The following PSG2 variants were observed in gnomAD, a reference collection of about 807,000 sequenced individuals.
PSG2 encodes pregnancy specific beta-1-glycoprotein 2.
A neutral mutation model predicts 36.2 loss-of-function variants in PSG2; 49 were observed. That is an observed-to-expected ratio of 1.35 (90% CI 1.08 to 1.72). The LOEUF is 1.72. Among genes scored for constraint, PSG2 ranks in the 40% most tolerant of loss-of-function variants. The pLI is 0.00. For synonymous variants in PSG2, 261 were observed against 155.6 expected, an observed-to-expected ratio of 1.68 and a Z score of -5.04; for missense variants, 605 against 407.2, an observed-to-expected ratio of 1.49 and a Z score of -4.18.
chr19:43,067,320 A>G (rs183333147), intron 4 of PSG2, among the ~76,000 whole-genome samples: 8 of 150,694 alleles, frequency 5.3e-5, no homozygotes, highest in Admixed American at 1.3e-4. Context: ...GTCTAATCCC[A>G]TCTTGGATGC....
chr19:43,076,391 AG>A (rs1428232526), intron 2 of PSG2, among the ~76,000 whole-genome samples: 1 of 151,778 alleles, frequency 6.6e-6, no homozygotes, highest in Non-Finnish European at 1.5e-5. Flanking sequence ...CCCCCTGTAG[AG>A]GGCAGGTGAG....
chr19:43,080,923 C>T lies in PSG2; in HGVS notation c.388G>A (p.Gly130Arg), dbSNP rs748585153. The T allele has an allele frequency of 1.9e-6, 3 of 1,612,854 alleles. No homozygotes were observed. Among genetic ancestry groups the T allele is most frequent in the Non-Finnish European group, 2.5e-6 (3 of 1,179,520 alleles). Reference protein sequence around the residue: ...YTLHIIKRGDGTRGVTGYFTF... With the variant: ...YTLHIIKRGDRTRGVTGYFTF... ...AAATATCCAGTTACTCCTCTAGTCCCATCACCTCGCTTTATGATGTGTAAG... is the reference window on the plus strand; with the variant it reads ...AAATATCCAGTTACTCCTCTAGTCCTATCACCTCGCTTTATGATGTGTAAG... The change falls in exon 2 of 6, where the codon GGG becomes AGG. Residue 130 changes from glycine to arginine, a missense_variant. Physicochemically the swap from Gly to Arg is moderately radical, Grantham distance 125 (BLOSUM62 -2). Coordinates refer to ENST00000406487, the MANE Select transcript of PSG2 (RefSeq NM_031246.4).
intron 1 of PSG2, 82 bp downstream of exon 1, chr19:43,082,424 T>G: frequency 6.4e-7 from 1 of 1,572,222 alleles, no homozygotes; most frequent in South Asian, 1.1e-5. Context: ...TTTCATTTTT[T>G]AGAACCCCAT....
In PSG2 at chr19:43,080,454, CT is replaced by C. The variant is rs1335414627; in HGVS notation, c.430+426del. 2.6e-5 allele frequency among the ~76,000 whole-genome samples: 4 copies of C among 151,670 alleles called. 1 individual carries two copies. The highest frequency in any genetic ancestry group is 5.9e-5 in the Non-Finnish European group (4 of 67,982). On this transcript the variant is annotated intron_variant, in intron 2 of 5. Coordinates refer to ENST00000406487, the MANE Select transcript of PSG2 (RefSeq NM_031246.4). ...CCCAGCCCTGGCACAGGCTCCTAAGCTTTATCTGGAGCAAGGATTTAGGGAC... is the reference window on the plus strand; with the variant it reads ...CCCAGCCCTGGCACAGGCTCCTAAGCTTATCTGGAGCAAGGATTTAGGGAC...
At position 43,064,490 on chromosome 19, in the gene PSG2, G is replaced by C. The variant is rs1967712890; in HGVS notation, c.*152C>G. The C allele has an allele frequency of 1.9e-6, 1 of 512,956 alleles. No individual in the cohort carries two copies. Among genetic ancestry groups the C allele is most frequent in the African/African-American group, 2.0e-5 (1 of 49,448 alleles). 31.8% of individuals were successfully genotyped at this position (512,956 alleles called of 1,614,324 possible). A position where few individuals can be genotyped will look rare whatever the true frequency, so the allele number is the denominator to read the frequency against. The stretch of plus-strand genomic sequence containing the variant: ...TCTTCTTTGTCTTGAATTTCATGAA[G>C]GTATCAGCCTGTTCATTAAAATTTT... On this transcript the variant is annotated 3_prime_UTR_variant, in exon 6 of 6. Coordinates refer to ENST00000406487, the MANE Select transcript of PSG2 (RefSeq NM_031246.4).
intron 2 of PSG2, among the ~76,000 whole-genome samples, chr19:43,075,962 G>A (rs1390537186): frequency 2.0e-5 from 3 of 151,502 alleles, no homozygotes; most frequent in Admixed American, 2.0e-4. Context: ...CCCACCTTGT[G>A]GTCCTCACTT....
chr19:43,074,949 G>A (rs1967871804), intron 3 of PSG2, among the ~76,000 whole-genome samples: 1 of 151,560 alleles, frequency 6.6e-6, no homozygotes, highest in Non-Finnish European at 1.5e-5. Flanking sequence ...GGGCATCCAG[G>A]CCATCTGGAG....
At chr19:43,070,218 T>C (rs1712353787) in intron 4 of PSG2, among the ~76,000 whole-genome samples, 2 of 151,456 alleles carry the variant, frequency 1.3e-5, no homozygotes, top group South Asian at 4.1e-4. Context: ...TTCAAGCAGA[T>C]GGAAAAATTG....
chr19:43,067,047 G>T (rs114673641), intron 4 of PSG2, among the ~76,000 whole-genome samples: 2 of 151,352 alleles, frequency 1.3e-5, no homozygotes, highest in African/African-American at 2.4e-5. Flanking sequence ...TGCACAGAAA[G>T]CTTCTTTCCT....
chr19:43,074,925 G>A (rs895337297), intron 3 of PSG2, among the ~76,000 whole-genome samples: 1 of 151,600 alleles, frequency 6.6e-6, no homozygotes, highest in African/African-American at 2.4e-5. Context: ...ATAGGTGTGA[G>A]GAAGAAATGG....
rs748672687 is a variant in PSG2 at position 43,082,609 on chromosome 19, C to T, written c.-40G>A. 7 of 1,605,760 alleles carry T rather than the reference C, an allele frequency of 4.4e-6. No homozygotes were observed. In the South Asian group the frequency reaches 6.6e-5, roughly 15 times the overall value. ...GTGTGTTCTCCTCTGTGGAGATGAG[C>T]CTAGGATCCAGAAACTTCCTGAGCA... is the stretch of plus-strand genomic sequence containing the variant. On this transcript the variant is annotated 5_prime_UTR_variant, in exon 1 of 6. Coordinates refer to ENST00000406487, the MANE Select transcript of PSG2 (RefSeq NM_031246.4).
intron 4 of PSG2, among the ~76,000 whole-genome samples, chr19:43,070,436 G>A (rs1203613707): frequency 6.6e-6 from 1 of 151,672 alleles, no homozygotes; most frequent in Non-Finnish European, 1.5e-5. Context: ...CGAAAAAATG[G>A]AAACAACCAA....
In PSG2 at chr19:43,072,952, C is replaced by A. The variant is rs184526224; in HGVS notation, c.710-998G>T. ...CCTAATCAGTTGACTGGCTGGCTCA[C>A]CTTGGGTTCCTTACCTGGAATGTGC... is the stretch of plus-strand genomic sequence containing the variant. On this transcript the variant is annotated intron_variant, in intron 3 of 5. Transcript: ENST00000406487. 4.6e-3 allele frequency among the ~76,000 whole-genome samples: 698 copies of A among 151,796 alleles called. 24 individuals carry two copies. Among genetic ancestry groups the A allele is most frequent in the African/African-American group, 0.017 (682 of 41,182 alleles).
At chr19:43,080,653 C>T (rs891453075) in intron 2 of PSG2, among the ~76,000 whole-genome samples, 3 of 151,654 alleles carry the variant, frequency 2.0e-5, no homozygotes, top group Non-Finnish European at 4.4e-5. Flanking sequence ...CCCCATCAGA[C>T]TGTCCTTCCT....
Position 43,075,408 on chromosome 19 carries a change from T to G in PSG2, c.655A>C (p.Ile219Leu), listed in dbSNP as rs763618506. The change falls in exon 3 of 6, where the codon ATA (isoleucine) becomes CTA (leucine). Residue 219 changes from isoleucine to leucine, a missense_variant. Ile to Leu is a conservative substitution (Grantham distance 5). Transcript: ENST00000406487. ...KYTAGPYECE[I>L]RNSGSASRSD... ...CGGCTGGCACTCCCTGAGTTCCGTA[T>G]TTCACATTCATAGGGTCCTGCAGTA... 3.1e-6 allele frequency: 5 copies of G among 1,613,212 alleles called. No homozygotes were observed. In the South Asian group the frequency reaches 5.5e-5, roughly 18 times the overall value.
At chr19:43,071,346 GA>G (rs35339469) in intron 4 of PSG2, among the ~76,000 whole-genome samples, 26,563 of 151,078 alleles carry the variant, frequency 0.18, 4,210 homozygotes, top group African/African-American at 0.4. Context: ...ATAGGTACAA[GA>G]AAAAAAAGAC....
intron 3 of PSG2, among the ~76,000 whole-genome samples, 178 bp from the exon 4 acceptor site, chr19:43,072,132 A>T (rs186216261): frequency 1.8e-4 from 28 of 151,592 alleles, no homozygotes; most frequent in Admixed American, 6.6e-4. Flanking sequence ...CCACCACAAG[A>T]TGTGGGCCCC....
intron 4 of PSG2, among the ~76,000 whole-genome samples, chr19:43,068,931 G>A (rs538443461): frequency 6.6e-6 from 1 of 151,670 alleles, no homozygotes; most frequent in African/African-American, 2.4e-5. Flanking sequence ...AATTATTTCT[G>A]TTTATAGATA....
chr19:43,075,020 A>C (rs978142625), intron 3 of PSG2, among the ~76,000 whole-genome samples: 1 of 151,686 alleles, frequency 6.6e-6, no homozygotes, highest in Non-Finnish European at 1.5e-5. Context: ...GGTCTGTGGA[A>C]GGGCCACAGT....
Sources: allele counts gnomAD v4.1 joint callset (sites outside exome capture counted in the v4.1 genomes callset), GRCh38; gene constraint gnomAD v4.1.1; transcripts MANE v1.5; gene names NCBI Gene and HGNC (gene_info 2026-07-23, HGNC 2026-07-21).